CWF19L2: variants seen among roughly 807,000 people sequenced by gnomAD.
The protein encoded by CWF19L2 is CWF19-like protein 2.
CWF19L2 carries 98 observed loss-of-function variants against 111.7 expected under a neutral mutation model. That is an observed-to-expected ratio of 0.88 (90% CI 0.75 to 1.04). The LOEUF is 1.04. CWF19L2 is among the 50% of genes least tolerant of loss of function. The pLI is 0.00. For synonymous variants in CWF19L2, 351 were observed against 342.9 expected (o/e 1.02, Z -0.26); for missense variants, 1,101 against 1,051.4 (o/e 1.05, Z -0.65).
intron 10 of CWF19L2, among the ~76,000 whole-genome samples, chr11:107,414,374 A>G (rs1158358394): frequency 1.3e-5 from 2 of 152,106 alleles, no homozygotes; most frequent in African/African-American, 4.8e-5. Context: ...ATTCATATAC[A>G]TCTAAATCTG....
At chr11:107,452,155 A>G (rs1437793946) in intron 3 of CWF19L2, among the ~76,000 whole-genome samples, 1 of 152,212 alleles carries the variant, frequency 6.6e-6, no homozygotes, top group African/African-American at 2.4e-5. Flanking sequence ...TTTTTCACAC[A>G]TGACATACCA....
intron 12 of CWF19L2, among the ~76,000 whole-genome samples, chr11:107,385,089 CT>C (rs901739088): frequency 2.0e-5 from 3 of 151,898 alleles, no homozygotes; most frequent in African/African-American, 4.8e-5. Context: ...CAAATACTTT[CT>C]TTTTTTTATA....
In CWF19L2 at chr11:107,371,899, G is replaced by A. The variant is rs538596438; in HGVS notation, c.1873-18163C>T. Among the ~76,000 whole-genome samples the A allele has an allele frequency of 2.2e-5, 3 of 137,502 alleles. 1 individual carries two copies. The highest frequency in any genetic ancestry group is 1.4e-4 in the Admixed American group (2 of 14,012). The allele number at this position is 137,502 out of a possible 152,430, so 90.2% of individuals were successfully genotyped here. On this transcript the variant is annotated intron_variant, in intron 12 of 17. Transcript: ENST00000282251. ...TGAAAGATGGTCCCCCCACCTCCAC[G>A]TCCAAGACATCATTTTATTCATCAT... is the stretch of plus-strand genomic sequence containing the variant.
At chr11:107,381,589 T>C (rs1236414827) in intron 12 of CWF19L2, among the ~76,000 whole-genome samples, 4 of 152,166 alleles carry the variant, frequency 2.6e-5, no homozygotes, top group African/African-American at 2.4e-5. Context: ...TCACTGTGTA[T>C]CTATTAAAGT....
At chr11:107,448,169 C>T (rs1259542540) in intron 3 of CWF19L2, among the ~76,000 whole-genome samples, 2 of 151,768 alleles carry the variant, frequency 1.3e-5, no homozygotes, top group African/African-American at 4.8e-5. Context: ...CATGGTGAAA[C>T]CCCATCTCCA....
chr11:107,448,870 G>A (rs1017307577), intron 3 of CWF19L2, among the ~76,000 whole-genome samples: 4 of 152,046 alleles, frequency 2.6e-5, no homozygotes, highest in African/African-American at 9.7e-5. Flanking sequence ...CCCAAACTGT[G>A]AGAAATAAGT....
chr11:107,374,116 T>G (rs1253369804), intron 12 of CWF19L2, among the ~76,000 whole-genome samples: 1 of 135,038 alleles, frequency 7.4e-6, no homozygotes, highest in Admixed American at 7.2e-5. Flanking sequence ...AATATGGGAC[T>G]ATGTGAAAAG....
Position 107,428,917 on chromosome 11 carries a change from T to G in CWF19L2, c.1315A>C (p.Ser439Arg). The G allele has an allele frequency of 1.2e-6, 2 of 1,613,766 alleles. No individual in the cohort carries two copies. The highest frequency in any genetic ancestry group is 2.2e-5 in the South Asian group (2 of 91,066). ...GGAACATGTTGGTGTTCATCAGTAC[T>G]GGTTTCCGATGGCTTTTGATTTGAA... ...KHSNQKPSET[S>R]TDEHQHVPED... The change falls in exon 8 of 18, where the codon AGT becomes CGT. Residue 439 changes from serine (S) to arginine (R), a missense_variant. Physicochemically the swap from Ser to Arg is moderately radical, Grantham distance 110. Transcript: ENST00000282251.
At chr11:107,372,361 T>A (rs541906100) in intron 12 of CWF19L2, among the ~76,000 whole-genome samples, 2 of 118,232 alleles carry the variant, frequency 1.7e-5, no homozygotes, top group Admixed American at 1.6e-4. Flanking sequence ...TAAAGGGGGA[T>A]AAAAGGTGGC....
chr11:107,440,818 CTCTGGTAGCAA>C (rs140405192), intron 5 of CWF19L2, among the ~76,000 whole-genome samples: 5,273 of 152,260 alleles, frequency 0.035, 139 homozygotes, highest in Non-Finnish European at 0.056. Flanking sequence ...GAAAAGACCT[CTCTGGTAGCAA>C]TCAGATAAAT....
At chr11:107,352,707 G>C (rs1342640300) in intron 13 of CWF19L2, among the ~76,000 whole-genome samples, 2 of 151,866 alleles carry the variant, frequency 1.3e-5, no homozygotes, top group African/African-American at 2.4e-5. Context: ...AGAAAAAGAA[G>C]ATAAGAAAAT....
chr11:107,353,957 T>A (rs1411307944), intron 12 of CWF19L2, among the ~76,000 whole-genome samples: 1 of 152,206 alleles, frequency 6.6e-6, no homozygotes, highest in Non-Finnish European at 1.5e-5. Context: ...TACAATTCTA[T>A]ATGACTTGTT....
Position 107,391,303 on chromosome 11 carries a change from A to T in CWF19L2, c.1735-1092T>A, listed in dbSNP as rs1220248581. 2.0e-5 allele frequency among the ~76,000 whole-genome samples: 3 copies of T among 151,190 alleles called. No homozygotes were observed. In the South Asian group the frequency reaches 6.2e-4, roughly 31 times the overall value. Reference sequence around the variant, plus strand: ...AGTACCTCTATTAAAAGACATGAGCATTTGTTCTCTCTCTCTTTTTTCTCT... The same window carrying T: ...AGTACCTCTATTAAAAGACATGAGCTTTTGTTCTCTCTCTCTTTTTTCTCT... On this transcript the variant is annotated intron_variant, in intron 11 of 17. Transcript: ENST00000282251.
chr11:107,384,763 G>A (rs1860740386), intron 12 of CWF19L2, among the ~76,000 whole-genome samples: 1 of 152,136 alleles, frequency 6.6e-6, no homozygotes, highest in Non-Finnish European at 1.5e-5. Flanking sequence ...AATATTTACT[G>A]TCTGGCCCTT....
At chr11:107,387,462 C>CA (rs201064466) in intron 12 of CWF19L2, among the ~76,000 whole-genome samples, 40,952 of 96,592 alleles carry the variant, frequency 0.42, 5,940 homozygotes, top group African/African-American at 0.48. Flanking sequence ...CAAAACAAAA[C>CA]AAAACAAAAA....
chr11:107,334,190 T>C (rs1404635011), intron 16 of CWF19L2, among the ~76,000 whole-genome samples: 1 of 152,178 alleles, frequency 6.6e-6, no homozygotes, highest in Non-Finnish European at 1.5e-5. Context: ...ACAATAAATA[T>C]TTGTAGAATA....
intron 8 of CWF19L2, among the ~76,000 whole-genome samples, chr11:107,421,705 C>G (rs1179749315): frequency 6.6e-6 from 1 of 152,044 alleles, no homozygotes; most frequent in Non-Finnish European, 1.5e-5. Context: ...ACTGACCATT[C>G]CAAGTTTTTA....
intron 16 of CWF19L2, among the ~76,000 whole-genome samples, chr11:107,330,647 CACACACA>C (rs1272866124): frequency 9.5e-3 from 234 of 24,730 alleles, no homozygotes; most frequent in Non-Finnish European, 0.017. Context: ...CCCCCCACCA[CACACACA>C]CACACACACA....
intron 7 of CWF19L2, among the ~76,000 whole-genome samples, chr11:107,430,067 T>C (rs1231481150): frequency 6.6e-6 from 1 of 151,918 alleles, no homozygotes; most frequent in East Asian, 1.9e-4. Flanking sequence ...GCAAAGATGA[T>C]GGGAATAGAG....
Sources: gnomAD v4.1 joint callset for allele counts (sites outside exome capture counted in the v4.1 genomes callset) on GRCh38, gnomAD v4.1.1 for gene constraint, MANE v1.5 for transcripts, NCBI Gene and HGNC (gene_info 2026-07-23, HGNC 2026-07-21) for gene names.